ATXN10: variants seen among roughly 807,000 people sequenced by gnomAD.
ATXN10 encodes the protein ataxin 10.
ATXN10 carries 28 observed loss-of-function variants against 52.9 expected under a neutral mutation model. The observed-to-expected ratio is 0.53, with a 90% CI of 0.39 to 0.73. The LOEUF (loss-of-function observed/expected upper bound fraction) is 0.73. Among genes scored for constraint, ATXN10 ranks in the 30% least tolerant of loss-of-function variants. The pLI is 0.00. For synonymous variants in ATXN10, 226 were observed against 221.5 expected (o/e 1.02, Z -0.18); for missense variants, 565 against 577.0 (o/e 0.98, Z 0.21).
At chr22:45,676,106 A>T (rs533212943) in intron 1 of ATXN10, 1 of 152,136 alleles carries the variant, frequency 6.6e-6, no homozygotes, top group South Asian at 2.1e-4. Context: ...TTGCTCCTTT[A>T]ATTATTTTTC....
At chr22:45,722,678 G>A (rs181990740) in intron 6 of ATXN10, among the ~76,000 whole-genome samples, 6 of 152,142 alleles carry the variant, frequency 3.9e-5, no homozygotes, top group Admixed American at 2.6e-4. Flanking sequence ...ACTCCCTTTA[G>A]CACTTGCAGA....
intron 6 of ATXN10, among the ~76,000 whole-genome samples, chr22:45,722,536 C>A (rs1342347879): frequency 6.6e-6 from 1 of 152,174 alleles, no homozygotes; most frequent in Non-Finnish European, 1.5e-5. Flanking sequence ...GTACCCACAT[C>A]GTTAGCTCTC....
At chr22:45,793,749 T>C (rs2146868438) in intron 9 of ATXN10, 1 of 1,427,034 alleles carries the variant, frequency 7.0e-7, no homozygotes, top group South Asian at 1.7e-5. Context: ...CCACCCCCGA[T>C]TCCTGCCTTT....
At chr22:45,700,452 C>T (rs41310260) in intron 4 of ATXN10, 74 bp downstream of exon 4, 13 of 1,249,732 alleles carry the variant, frequency 1.0e-5, no homozygotes, top group Non-Finnish European at 1.4e-5. Context: ...ATATAAAGTT[C>T]GAAAACAGGA....
rs1927336444 is a variant in ATXN10 at position 45,786,755 on chromosome 22, C to T, written c.1174-20204C>T. ...GAACATTTTTTACCTATCAAAAAAG[C>T]AACTTTAAAAATCTGCAGCATCAGT... On this transcript the variant is annotated intron_variant, in intron 9 of 11. Coordinates refer to ENST00000252934, the MANE Select transcript of ATXN10 (RefSeq NM_013236.4). This position sits in a 1 kb window ranked among gnomAD's most constrained non-coding sequence, Gnocchi z 4.1. Among the ~76,000 whole-genome samples, 1 of 152,148 alleles carries T rather than the reference C, an allele frequency of 6.6e-6. No homozygotes were observed. Among genetic ancestry groups the T allele is most frequent in the Non-Finnish European group, 1.5e-5 (1 of 68,006 alleles).
intron 6 of ATXN10, among the ~76,000 whole-genome samples, chr22:45,720,497 A>G (rs1336655941): frequency 1.3e-5 from 2 of 152,094 alleles, no homozygotes; most frequent in East Asian, 1.9e-4. Flanking sequence ...TCACCATGCC[A>G]GACTACCATT....
rs539337544 is a variant in ATXN10, at chr22:45,818,272, C to T, written c.1237+11250C>T. On this transcript the variant is annotated intron_variant, in intron 10 of 11. Transcript: ENST00000252934. This position sits in a 1 kb window ranked among gnomAD's most constrained non-coding sequence, Gnocchi z 4.6. ...CAGACAGCCTGGCTTCTTTCCAGGGCATTAACAGTTATGCACTTGTGTGTC... is the reference window on the plus strand; with the variant it reads ...CAGACAGCCTGGCTTCTTTCCAGGGTATTAACAGTTATGCACTTGTGTGTC... 6.0e-4 allele frequency among the ~76,000 whole-genome samples: 92 copies of T among 152,140 alleles called. No individual in the cohort carries two copies. Among genetic ancestry groups the T allele is most frequent in the Non-Finnish European group, 1.1e-3 (72 of 68,038 alleles).
At chr22:45,829,124 CAT>C (rs1928908524) in intron 10 of ATXN10, among the ~76,000 whole-genome samples, 1 of 152,162 alleles carries the variant, frequency 6.6e-6, no homozygotes, top group Non-Finnish European at 1.5e-5. Context: ...GAAAGAAACA[CAT>C]GATCAATTCA....
intron 10 of ATXN10, among the ~76,000 whole-genome samples, chr22:45,814,737 T>C (rs1208854318): frequency 6.6e-6 from 1 of 152,126 alleles, no homozygotes; most frequent in Non-Finnish European, 1.5e-5. Flanking sequence ...CCACCTGAGC[T>C]CCGTCTCCGG....
chr22:45,740,415 C>A lies in ATXN10; in HGVS notation c.1050C>A (p.Ile350=). The stretch of plus-strand genomic sequence containing the variant: ...TAGCTGGAAAAGAAACCACAAACAT[C>A]TTCAGTAATTGTGGTTGCGTGAGAG... ...IHVAGKETTN[I]FSNCGCVRAE... is the part of the protein sequence containing the mutation. Residue 350 remains isoleucine, a synonymous_variant, in exon 9 of 12, where the codon ATC becomes ATA. Transcript: ENST00000252934. 1 of 1,613,910 alleles carries A rather than the reference C, an allele frequency of 6.2e-7. No homozygotes were observed. Among genetic ancestry groups the A allele is most frequent in the Non-Finnish European group, 8.5e-7 (1 of 1,179,906 alleles).
chr22:45,769,408 G>A lies in ATXN10; in HGVS notation c.1173+28870G>A, dbSNP rs781231305. Among the ~76,000 whole-genome samples the A allele has an allele frequency of 1.3e-5, 2 of 152,096 alleles. No individual in the cohort carries two copies. The stretch of plus-strand genomic sequence containing the variant: ...GATGGGAGAATCAAGCATGAAATGG[G>A]TAGAATCCTGCCCGATGAGGGCACA... On this transcript the variant is annotated intron_variant, in intron 9 of 11. Transcript: ENST00000252934. This position sits in a 1 kb window ranked among gnomAD's most constrained non-coding sequence, Gnocchi z 4.2.
intron 9 of ATXN10, among the ~76,000 whole-genome samples, chr22:45,798,350 C>T (rs1238217684): frequency 6.6e-6 from 1 of 152,194 alleles, no homozygotes; most frequent in Non-Finnish European, 1.5e-5. Context: ...TGGTTTATCT[C>T]AGCCGTGCAC....
intron 2 of ATXN10, among the ~76,000 whole-genome samples, chr22:45,692,218 A>G (rs1019126320): frequency 2.0e-5 from 3 of 152,176 alleles, no homozygotes; most frequent in African/African-American, 7.2e-5. Flanking sequence ...TTTGAGTAAT[A>G]TATGCAAACT....
rs1437155140 is a variant in ATXN10, at chr22:45,841,500, C to T, written c.1238-1491C>T. Among the ~76,000 whole-genome samples, 1 of 152,208 alleles carries T rather than the reference C, an allele frequency of 6.6e-6. No homozygotes were observed. The highest frequency in any genetic ancestry group is 6.5e-5 in the Admixed American group (1 of 15,280). On this transcript the variant is annotated intron_variant, in intron 10 of 11. Transcript: ENST00000252934. This position sits in a 1 kb window ranked among gnomAD's most constrained non-coding sequence, Gnocchi z 5.1. ...ACAGCTGTGGAGGAGCTGGGAGACA[C>T]AGGCCAGGAGCTTAAGTGCTGTGAG...
intron 5 of ATXN10, among the ~76,000 whole-genome samples, chr22:45,713,610 C>T (rs890351085): frequency 1.1e-4 from 16 of 152,046 alleles, no homozygotes; most frequent in African/African-American, 3.1e-4. Flanking sequence ...TTAAGTAGAA[C>T]GAAGTGTGAG....
chr22:45,799,235 C>G (rs564906579), intron 9 of ATXN10, among the ~76,000 whole-genome samples: 3 of 152,092 alleles, frequency 2.0e-5, no homozygotes, highest in South Asian at 4.2e-4. Context: ...CACGCCCGTC[C>G]CAGGAAACAT....
intron 9 of ATXN10, among the ~76,000 whole-genome samples, chr22:45,741,629 A>G (rs1026738967): frequency 1.3e-5 from 2 of 152,152 alleles, no homozygotes; most frequent in Non-Finnish European, 1.5e-5. Context: ...GGGCCCCCCT[A>G]CTGGGCATAG....
chr22:45,722,989 C>T (rs906118195), intron 6 of ATXN10, among the ~76,000 whole-genome samples: 2 of 152,082 alleles, frequency 1.3e-5, no homozygotes, highest in African/African-American at 4.8e-5. Flanking sequence ...GTGCCAAATT[C>T]CCTGAAGCCA....
In ATXN10 at chr22:45,696,736, G is replaced by C. The variant is rs979330458; in HGVS notation, c.392-3546G>C. 6.6e-6 allele frequency among the ~76,000 whole-genome samples: 1 copy of C among 152,148 alleles called. No individual in the cohort carries two copies. The highest frequency in any genetic ancestry group is 1.9e-4 in the East Asian group (1 of 5,202). On this transcript the variant is annotated intron_variant, in intron 3 of 11. Coordinates refer to ENST00000252934, the MANE Select transcript of ATXN10 (RefSeq NM_013236.4). The surrounding 1 kb of genome is among the most constrained non-coding windows in gnomAD (Gnocchi z 4.7). The stretch of plus-strand genomic sequence containing the variant: ...GCTCTATCCCAAATGTGCTACAAAA[G>C]ATGTATTTAGTTTTTACAATATATG...
Sources: gnomAD v4.1 joint callset for allele counts (sites outside exome capture counted in the v4.1 genomes callset) on GRCh38, gnomAD v4.1.1 for gene constraint, Gnocchi (gnomAD v3.1) non-coding constraint, MANE v1.5 for transcripts, NCBI Gene and HGNC (gene_info 2026-07-23, HGNC 2026-07-21) for gene names.